The following TLL1 variants were observed in gnomAD, a reference collection of about 807,000 sequenced individuals.
TLL1 encodes tolloid-like protein 1.
Under a neutral mutation model 128.2 loss-of-function variants are expected in TLL1, and 49 were observed. The ratio of observed to expected loss-of-function variants is 0.38; its 90% CI spans 0.30 to 0.48. The LOEUF (loss-of-function observed/expected upper bound fraction) is 0.48. TLL1 is among the 20% of genes least tolerant of loss of function. TLL1 has a pLI of 0.96. For synonymous variants in TLL1, 454 were observed against 418.8 expected (o/e 1.08, Z -1.03); for missense variants, 1,123 against 1,242.0 (o/e 0.90, Z 1.44).
chr4:165,929,848 A>G (rs1733436639), intron 1 of TLL1, among the ~76,000 whole-genome samples: 1 of 152,218 alleles, frequency 6.6e-6, no homozygotes, highest in Non-Finnish European at 1.5e-5. Flanking sequence ...TCTGCAGACT[A>G]TGTGAGAAGA....
At chr4:166,066,443 A>G (rs964571153) in intron 16 of TLL1, among the ~76,000 whole-genome samples, 2 of 151,832 alleles carry the variant, frequency 1.3e-5, no homozygotes, top group East Asian at 1.9e-4. Context: ...AAAAACCAAG[A>G]CATTTTTTTC....
Position 166,100,761 on chromosome 4 carries a change from C to T in TLL1, c.2927C>T (p.Ser976Leu), listed in dbSNP as rs769610048. Reference sequence around the variant, plus strand: ...CTTCAGCCACCAGAAGAGATTTATTCAATTGGAGATTCAGTTTTAATTCAT... The same window carrying T: ...CTTCAGCCACCAGAAGAGATTTATTTAATTGGAGATTCAGTTTTAATTCAT... ...CGSGPPEEIY[S>L]IGDSVLIHFH... Residue 976 changes from serine to leucine, a missense_variant, in exon 21 of 21, where the codon TCA becomes TTA. Around this residue, in one of 3 missense-constraint regions of TLL1, gnomAD observed 634 missense variants for 672.4 expected, o/e 0.94. Coordinates refer to ENST00000061240, the MANE Select transcript of TLL1 (RefSeq NM_012464.5). 1.2e-6 allele frequency: 2 copies of T among 1,612,886 alleles called. No homozygotes were observed. The highest frequency in any genetic ancestry group is 1.1e-5 in the South Asian group (1 of 91,058).
chr4:165,987,225 G>A (rs575702954), intron 1 of TLL1, among the ~76,000 whole-genome samples: 18 of 152,182 alleles, frequency 1.2e-4, no homozygotes, highest in African/African-American at 4.1e-4. Context: ...AGAGCTATTT[G>A]CATTGTAAAT....
At chr4:166,076,101 C>G (rs1741010974) in intron 17 of TLL1, among the ~76,000 whole-genome samples, 2 of 151,986 alleles carry the variant, frequency 1.3e-5, no homozygotes, top group East Asian at 1.9e-4. Flanking sequence ...GAAACAGGGT[C>G]TGCCTCTGTC....
intron 9 of TLL1, among the ~76,000 whole-genome samples, chr4:166,026,314 G>A (rs563366238): frequency 8.6e-5 from 13 of 152,034 alleles, no homozygotes; most frequent in African/African-American, 2.9e-4. Flanking sequence ...ACTTGAACCC[G>A]GACAGGGAGA....
intron 1 of TLL1, among the ~76,000 whole-genome samples, chr4:165,966,701 A>G (rs1300343038): frequency 1.3e-5 from 2 of 152,138 alleles, no homozygotes; most frequent in Non-Finnish European, 2.9e-5. Context: ...GCAAGTTTTT[A>G]TTATGGATTT....
rs114965343 is a variant in TLL1 at position 166,074,959 on chromosome 4, G to A, written c.2270G>A (p.Arg757His). Residue 757 changes from arginine (R) to histidine (H), a missense_variant, in exon 17 of 21, where the codon CGT becomes CAT. Coordinates refer to ENST00000061240, the MANE Select transcript of TLL1 (RefSeq NM_012464.5). ...NTMGSYMCQC[R>H]NGFVLHDNKH... ...ATGGGGAGCTACATGTGTCAATGCCGTAATGGATTTGTGCTACATGACAAT... is the reference window on the plus strand; with the variant it reads ...ATGGGGAGCTACATGTGTCAATGCCATAATGGATTTGTGCTACATGACAAT... 2.9e-5 allele frequency: 46 copies of A among 1,613,610 alleles called. No individual in the cohort carries two copies. In the African/African-American group the frequency reaches 2.9e-4, roughly 10 times the overall value.
rs567971829 is a variant in TLL1 at position 165,950,489 on chromosome 4, A to G, written c.170-38892A>G. Among the ~76,000 whole-genome samples, 109 of 152,268 alleles carry G rather than the reference A, an allele frequency of 7.2e-4. 1 individual carries two copies. The highest frequency in any genetic ancestry group is 4.8e-3 in the South Asian group (23 of 4,830). ...AGAATAGAGATTCCTTCAAGTATGC[A>G]TGGAACATTCACCAAGATAGACAAC... is the stretch of plus-strand genomic sequence containing the variant. On this transcript the variant is annotated intron_variant, in intron 1 of 20. Coordinates refer to ENST00000061240, the MANE Select transcript of TLL1 (RefSeq NM_012464.5).
chr4:166,089,371 G>A (rs1399050556), intron 18 of TLL1, among the ~76,000 whole-genome samples: 2 of 152,052 alleles, frequency 1.3e-5, no homozygotes, highest in African/African-American at 4.8e-5. Flanking sequence ...AGATTTAGTA[G>A]GCCCTGTCTG....
chr4:166,065,970 G>T, intron 16 of TLL1, 107 bp downstream of exon 16: 1 of 566,608 alleles, frequency 1.8e-6, no homozygotes, highest in Non-Finnish European at 2.5e-6. Context: ...GCAACTTGAA[G>T]ATAAGTAGGC....
At chr4:165,905,448 A>C (rs929720154) in intron 1 of TLL1, among the ~76,000 whole-genome samples, 1 of 152,220 alleles carries the variant, frequency 6.6e-6, no homozygotes, top group Non-Finnish European at 1.5e-5. Flanking sequence ...TTCCCTCATC[A>C]GATTAAACTC....
chr4:166,024,378 A>G (rs1738391725), intron 8 of TLL1, among the ~76,000 whole-genome samples: 1 of 152,194 alleles, frequency 6.6e-6, no homozygotes. Flanking sequence ...TTGTAATATG[A>G]TAATAGCTCT....
chr4:166,097,086 G>A (rs186027636), intron 19 of TLL1, among the ~76,000 whole-genome samples: 2 of 152,020 alleles, frequency 1.3e-5, no homozygotes, highest in East Asian at 3.9e-4. Context: ...TCTTCATCTG[G>A]ACCCTATGAT....
At chr4:166,057,101 G>T (rs1455591579) in intron 13 of TLL1, 83 bp from the exon 14 acceptor site, 1 of 1,515,280 alleles carries the variant, frequency 6.6e-7, no homozygotes, top group Non-Finnish European at 9.1e-7. Flanking sequence ...GGTGAGATTT[G>T]GGTGGGGACA....
Position 166,100,813 on chromosome 4 carries a change from G to T in TLL1, c.2979G>T (p.Lys993Asn), listed in dbSNP as rs1389296302. ...TCCACACTGATGACACAATCAACAA[G>T]AAGGGATTTCATATAAGATACAAAA... ...IHFHTDDTINKKGFHIRYKSI... is the reference protein window; with the variant it reads ...IHFHTDDTINNKGFHIRYKSI... The change falls in exon 21 of 21, where the codon AAG (lysine) becomes AAT (asparagine). Residue 993 changes from lysine (K) to asparagine (N), a missense_variant. By Grantham distance (94) the Lys-to-Asn change is moderately conservative. Around this residue, in one of 3 missense-constraint regions of TLL1, gnomAD observed 634 missense variants for 672.4 expected, o/e 0.94. Transcript: ENST00000061240. 2 of 1,613,016 alleles carry T rather than the reference G, an allele frequency of 1.2e-6. No homozygotes were observed. Among genetic ancestry groups the T allele is most frequent in the South Asian group, 2.2e-5 (2 of 91,072 alleles).
At chr4:165,955,157 C>G (rs1276699462) in intron 1 of TLL1, among the ~76,000 whole-genome samples, 1 of 151,910 alleles carries the variant, frequency 6.6e-6, no homozygotes, top group Admixed American at 6.6e-5. Flanking sequence ...CAGAATAGAG[C>G]AAGCTGAGAA....
chr4:166,009,443 C>A (rs180985956), intron 7 of TLL1, among the ~76,000 whole-genome samples: 1 of 151,292 alleles, frequency 6.6e-6, no homozygotes, highest in African/African-American at 2.4e-5. Context: ...TGTATGTTTC[C>A]CCTTATTCTA....
intron 1 of TLL1, among the ~76,000 whole-genome samples, chr4:165,961,665 G>T (rs1735112473): frequency 6.6e-6 from 1 of 152,078 alleles, no homozygotes; most frequent in Admixed American, 6.6e-5. Flanking sequence ...AAACAAAGCT[G>T]CATACCTACA....
chr4:165,954,544 A>G (rs1465973150), intron 1 of TLL1, among the ~76,000 whole-genome samples: 2 of 152,056 alleles, frequency 1.3e-5, no homozygotes, highest in African/African-American at 2.4e-5. Context: ...TTGGATGCCT[A>G]TGTAACTTTG....
Sources: allele counts gnomAD v4.1 joint callset (sites outside exome capture counted in the v4.1 genomes callset), GRCh38; gene constraint gnomAD v4.1.1; regional missense constraint gnomAD v4.1.1; transcripts MANE v1.5; gene names NCBI Gene and HGNC (gene_info 2026-07-23, HGNC 2026-07-21).